Variants in COPS2 observed in about 807,000 individuals in gnomAD.
COPS2 encodes the protein COP9 signalosome subunit 2.
COPS2 carries 10 observed loss-of-function variants against 66.1 expected under a neutral mutation model. The observed-to-expected ratio is 0.15, with a 90% confidence interval of 0.09 to 0.26. The LOEUF (loss-of-function observed/expected upper bound fraction) is 0.26, where lower values mean the gene tolerates loss of function less well. Ranked by LOEUF, COPS2 falls within the 10% of genes least tolerant of loss-of-function variation. The probability of loss-of-function intolerance (pLI) is 1.00; values close to 1 mark genes in which losing one functional copy is unlikely to be tolerated. For synonymous variants in COPS2, 179 were observed against 171.3 expected, an observed-to-expected ratio of 1.04 and a Z score of -0.35; for missense variants, 215 against 513.3, an observed-to-expected ratio of 0.42 and a Z score of 5.62.
Position 49,139,923 on chromosome 15 carries a change from C to G in COPS2, c.247-270G>C, listed in dbSNP as rs2084279983. 2.0e-5 allele frequency among the ~76,000 whole-genome samples: 3 copies of G among 152,130 alleles called. No homozygotes were observed. The South Asian group carries it at 6.2e-4, about 32-fold the overall frequency. ...CCAAATTTCAGAAATTGTCATTGCACAACATATTTAAATCATAAAACCTAC... is the reference window on the plus strand; with the variant it reads ...CCAAATTTCAGAAATTGTCATTGCAGAACATATTTAAATCATAAAACCTAC... On this transcript the variant is annotated intron_variant, in intron 3 of 12. Coordinates refer to ENST00000388901, the MANE Select transcript of COPS2 (RefSeq NM_004236.4).
At chr15:49,148,317 A>T (rs1368149312) in intron 1 of COPS2, among the ~76,000 whole-genome samples, 1 of 152,206 alleles carries the variant, frequency 6.6e-6, no homozygotes, top group African/African-American at 2.4e-5. Context: ...ATATAATATA[A>T]GCAATAACAG....
intron 9 of COPS2, among the ~76,000 whole-genome samples, chr15:49,133,125 A>AT (rs2084225371): frequency 6.6e-6 from 1 of 151,708 alleles, no homozygotes; most frequent in South Asian, 2.1e-4. Flanking sequence ...AGTAGCTGAG[A>AT]CTACAGGCGC....
chr15:49,128,886 A>G (rs1442956430), intron 11 of COPS2, 126 bp from the exon 12 acceptor site: 8 of 607,870 alleles, frequency 1.3e-5, no homozygotes, highest in Admixed American at 5.9e-5. Context: ...ATTTTTAAAC[A>G]TATTTCATTA....
Position 49,126,286 on chromosome 15 carries a change from C to T in COPS2, c.*1664G>A, listed in dbSNP as rs980415478. On this transcript the variant is annotated 3_prime_UTR_variant, in exon 13 of 13. Coordinates refer to ENST00000388901, the MANE Select transcript of COPS2 (RefSeq NM_004236.4). ...TACCTGTGTTTAATACTGCTTTAGT[C>T]TGCTAAAGACATTAACTGATTGCTT... is the stretch of plus-strand genomic sequence containing the variant. 6 of 152,378 alleles carry T rather than the reference C, an allele frequency of 3.9e-5. No individual in the cohort carries two copies. Among genetic ancestry groups the T allele is most frequent in the African/African-American group, 9.7e-5 (4 of 41,392 alleles). 9.4% of individuals were successfully genotyped at this position (152,378 alleles called of 1,614,324 possible).
chr15:49,155,534 GTCC>G lies in COPS2; in HGVS notation c.42_44del (p.Glu14del), dbSNP rs1566888918. Reference sequence around the variant, plus strand: ...ATTCCCTGCGCCTCACCAGGTCGTAGTCCTCCTCATCATCGCACATGAAATCAT... The same window carrying G: ...ATTCCCTGCGCCTCACCAGGTCGTAGTCCTCATCATCGCACATGAAATCAT... On this transcript the variant is annotated inframe_deletion, in exon 1 of 13. Transcript: ENST00000388901. 3.7e-6 allele frequency: 6 copies of G among 1,614,056 alleles called. 1 individual carries two copies. In the Admixed American group the frequency reaches 6.7e-5, roughly 18 times the overall value.
intron 1 of COPS2, among the ~76,000 whole-genome samples, chr15:49,154,380 T>C (rs1216150246): frequency 1.3e-5 from 2 of 152,200 alleles, no homozygotes; most frequent in South Asian, 4.1e-4. Context: ...ATCTCTACTA[T>C]GACTTTCAAA....
chr15:49,144,771 C>T lies in COPS2; in HGVS notation c.168+194G>A, dbSNP rs544916018. Among the ~76,000 whole-genome samples, 12 of 152,268 alleles carry T rather than the reference C, an allele frequency of 7.9e-5. No individual in the cohort carries two copies. The South Asian group carries it at 2.3e-3, about 29-fold the overall frequency. On this transcript the variant is annotated intron_variant, in intron 2 of 12. Transcript: ENST00000388901. ...CTAGTTTTTCAGGACAATGGCCCTG[C>T]TCCATAGACAGCTTGATTGGAAAAA...
chr15:49,142,673 T>C (rs1407568634), intron 3 of COPS2, among the ~76,000 whole-genome samples: 2 of 152,244 alleles, frequency 1.3e-5, no homozygotes, highest in African/African-American at 4.8e-5. Context: ...AGATTCATGT[T>C]TGTACCTAGT....
chr15:49,136,548 T>C (rs868246526), intron 6 of COPS2, among the ~76,000 whole-genome samples: 1 of 152,172 alleles, frequency 6.6e-6, no homozygotes. Context: ...AGGATTCATA[T>C]AAATTGGAAT....
chr15:49,144,454 G>T lies in COPS2; in HGVS notation c.169-150C>A, dbSNP rs533552019. The T allele has an allele frequency of 5.4e-6, 3 of 551,596 alleles. No homozygotes were observed. The East Asian group carries it at 9.2e-5, about 17-fold the overall frequency. 34.2% of individuals were successfully genotyped at this position (551,596 alleles called of 1,614,324 possible). On this transcript the variant is annotated intron_variant, in intron 2 of 12. Transcript: ENST00000388901. ...CACCATTTCTCAATGTCATTTTTCA[G>T]TCTTTAAAAAAAACAAGTTGTAAGA...
chr15:49,128,827 CTAATTT>C, intron 11 of COPS2, 67 bp from the exon 12 acceptor site: 1 of 1,056,652 alleles, frequency 9.5e-7, no homozygotes, highest in Non-Finnish European at 1.4e-6. Context: ...CACAATCATT[CTAATTT>C]TAATTCATTT....
intron 1 of COPS2, among the ~76,000 whole-genome samples, chr15:49,154,812 G>A (rs1321191200): frequency 6.6e-6 from 1 of 152,096 alleles, no homozygotes; most frequent in African/African-American, 2.4e-5. Flanking sequence ...TTTGTATACT[G>A]GGAAATTTCT....
rs147294063 is a variant in COPS2, at chr15:49,152,878, G to A, written c.54+2647C>T. Among the ~76,000 whole-genome samples, 15 of 152,282 alleles carry A rather than the reference G, an allele frequency of 9.9e-5. No homozygotes were observed. The East Asian group carries it at 2.3e-3, about 24-fold the overall frequency. ...AACTTCATTTTACTGCTCATGTAGC[G>A]TAGGCCCTAAAAGGCTGGGAAAATA... On this transcript the variant is annotated intron_variant, in intron 1 of 12. Coordinates refer to ENST00000388901, the MANE Select transcript of COPS2 (RefSeq NM_004236.4).
intron 9 of COPS2, among the ~76,000 whole-genome samples, chr15:49,132,353 G>C (rs938522541): frequency 6.7e-6 from 1 of 150,348 alleles, no homozygotes; most frequent in Non-Finnish European, 1.5e-5. Context: ...AAAAAAAAAC[G>C]CTTTTTTTTT....
chr15:49,128,564 T>C (rs2084185603), intron 12 of COPS2, 138 bp downstream of exon 12: 1 of 583,328 alleles, frequency 1.7e-6, no homozygotes, highest in South Asian at 2.6e-5. Flanking sequence ...CACACATACA[T>C]ATATATCTCT....
At chr15:49,150,235 A>G (rs1012494711) in intron 1 of COPS2, among the ~76,000 whole-genome samples, 44 of 147,996 alleles carry the variant, frequency 3.0e-4, no homozygotes, top group African/African-American at 1.0e-3. Context: ...GCAACAGAGT[A>G]AGACTCTATC....
At position 49,155,398 on chromosome 15, in the gene COPS2, C is replaced by T; in HGVS notation, c.54+127G>A. 4.8e-6 allele frequency: 4 copies of T among 827,248 alleles called. 1 individual carries two copies. In the South Asian group the frequency reaches 5.9e-5, roughly 12 times the overall value. The allele number at this position is 827,248 out of a possible 1,614,324, so 51.2% of individuals were successfully genotyped here. On this transcript the variant is annotated intron_variant, in intron 1 of 12. Transcript: ENST00000388901. ...GGGAACGGGGAGGAGGTAAACCAGT[C>T]CTGTCACCGCACTGAGAGAGGCTGT...
rs753016988 is a variant in COPS2, at chr15:49,137,329, T to G, written c.462+19A>C. 1.9e-6 allele frequency: 3 copies of G among 1,569,934 alleles called. No homozygotes were observed. In the African/African-American group the frequency reaches 4.1e-5, roughly 21 times the overall value. Reference sequence around the variant, plus strand: ...CCACCCACTTTTCAAAAGAAAAGTGTAAGTATTATAACGGTTACCTTTGTG... The same window carrying G: ...CCACCCACTTTTCAAAAGAAAAGTGGAAGTATTATAACGGTTACCTTTGTG... On this transcript the variant is annotated intron_variant, in intron 5 of 12. Transcript: ENST00000388901.
intron 4 of COPS2, among the ~76,000 whole-genome samples, chr15:49,138,991 A>G (rs182135011): frequency 7.2e-5 from 11 of 152,324 alleles, no homozygotes; most frequent in African/African-American, 2.6e-4. Flanking sequence ...CTAGACTCAT[A>G]ATGAAAGCAC....
Sources: allele counts gnomAD v4.1 joint callset (sites outside exome capture counted in the v4.1 genomes callset), GRCh38; gene constraint gnomAD v4.1.1; transcripts MANE v1.5; gene names NCBI Gene and HGNC (gene_info 2026-07-23, HGNC 2026-07-21).